Variants in C8orf76 observed in about 807,000 individuals in gnomAD.
C8orf76 encodes chromosome 8 open reading frame 76.
C8orf76 carries 46 observed loss-of-function variants against 38.1 expected under a neutral mutation model. The ratio of observed to expected loss-of-function variants is 1.21; its 90% CI spans 0.95 to 1.54. The LOEUF is 1.54. Ranked by LOEUF, C8orf76 falls within the 40% of genes most tolerant of loss-of-function variation. The probability of loss-of-function intolerance (pLI) is 0.00; values close to 1 mark genes in which losing one functional copy is unlikely to be tolerated. For missense variants in C8orf76, 461 were observed against 441.6 expected (o/e 1.04, Z -0.39); for synonymous variants, 166 against 167.5 (o/e 0.99, Z 0.07).
chr8:123,231,323 T>C lies in C8orf76; in HGVS notation c.792A>G (p.Ala264=). The C allele has an allele frequency of 1.9e-6, 3 of 1,611,120 alleles. No individual in the cohort carries two copies. The highest frequency in any genetic ancestry group is 2.5e-6 in the Non-Finnish European group (3 of 1,178,836). Residue 264 remains alanine (A), a synonymous_variant, in exon 4 of 6, where the codon GCA becomes GCG. Transcript: ENST00000276704. ...ACCTGGTTCGTATAAAAGAGGCACA[T>C]GCTTTCAGCTGAGTCTCTATCAACA... is the stretch of plus-strand genomic sequence containing the variant. The part of the protein sequence containing the change: ...ETVLIETQLK[A]CASFIRTRLL...
chr8:123,238,194 G>C (rs1009556027), intron 2 of C8orf76, among the ~76,000 whole-genome samples: 1 of 152,172 alleles, frequency 6.6e-6, no homozygotes, highest in African/African-American at 2.4e-5. Flanking sequence ...CCTGGTGGGA[G>C]GTAACTGAAT....
chr8:123,230,185 TC>T (rs1413624075), intron 4 of C8orf76, among the ~76,000 whole-genome samples: 3 of 152,108 alleles, frequency 2.0e-5, no homozygotes, highest in African/African-American at 7.2e-5. Flanking sequence ...ATAGAACTGG[TC>T]AAGTGTATTC....
chr8:123,226,721 G>A, intron 4 of C8orf76, 89 bp from the exon 5 acceptor site: 1 of 1,486,162 alleles, frequency 6.7e-7, no homozygotes, highest in Non-Finnish European at 8.9e-7. Flanking sequence ...AGAAAGCCCA[G>A]GTATTGAGTC....
Position 123,237,886 on chromosome 8 carries a change from G to A in C8orf76, c.269C>T (p.Ala90Val), listed in dbSNP as rs866390941. Residue 90 changes from alanine (A) to valine (V), a missense_variant, in exon 3 of 6, where the codon GCC becomes GTC. Coordinates refer to ENST00000276704, the MANE Select transcript of C8orf76 (RefSeq NM_032847.3). ...ACCTTCCTGGACATCCCTTTTCATGGCAAAATTGGTTGATGACAATTTTTC... is the reference window on the plus strand; with the variant it reads ...ACCTTCCTGGACATCCCTTTTCATGACAAAATTGGTTGATGACAATTTTTC... ...ISEKLSSTNF[A>V]MKRDVQEGQA... is the part of the protein sequence containing the mutation. 6.2e-7 allele frequency: 1 copy of A among 1,613,794 alleles called. No individual in the cohort carries two copies. The highest frequency in any genetic ancestry group is 1.7e-5 in the Admixed American group (1 of 59,986).
chr8:123,225,602 G>A (rs1486815599), intron 5 of C8orf76, among the ~76,000 whole-genome samples: 2 of 152,162 alleles, frequency 1.3e-5, no homozygotes, highest in East Asian at 3.9e-4. Flanking sequence ...AGAAACACAG[G>A]AGAAAAACAA....
Position 123,231,183 on chromosome 8 carries a change from A to C in C8orf76, c.815+117T>G, listed in dbSNP as rs1825254124. 8.3e-6 allele frequency: 11 copies of C among 1,327,354 alleles called. No homozygotes were observed. The East Asian group carries it at 2.0e-4, about 24-fold the overall frequency. The allele number at this position is 1,327,354 out of a possible 1,614,324, so 82.2% of individuals were successfully genotyped here. The stretch of plus-strand genomic sequence containing the variant: ...CAAACGTTCAACACAACCATAGGAA[A>C]ATTTCAAAAATATATACCAAATGTC... On this transcript the variant is annotated intron_variant, in intron 4 of 5. Coordinates refer to ENST00000276704, the MANE Select transcript of C8orf76 (RefSeq NM_032847.3).
rs1237476530 is a variant in C8orf76 at position 123,237,895 on chromosome 8, G to C, written c.260C>G (p.Thr87Ser). 1.9e-6 allele frequency: 3 copies of C among 1,614,038 alleles called. No homozygotes were observed. Among genetic ancestry groups the C allele is most frequent in the East Asian group, 4.5e-5 (2 of 44,880 alleles). Reference sequence around the variant, plus strand: ...GACATCCCTTTTCATGGCAAAATTGGTTGATGACAATTTTTCAGAGATACT... The same window carrying C: ...GACATCCCTTTTCATGGCAAAATTGCTTGATGACAATTTTTCAGAGATACT... ...YSSISEKLSS[T>S]NFAMKRDVQE... Residue 87 changes from threonine (T) to serine (S), a missense_variant, in exon 3 of 6, where the codon ACC (threonine) becomes AGC (serine). Physicochemically the swap from Thr to Ser is moderately conservative, Grantham distance 58. Transcript: ENST00000276704.
intron 3 of C8orf76, chr8:123,237,138 G>A (rs191844837): frequency 2.6e-5 from 22 of 834,194 alleles, no homozygotes; most frequent in Middle Eastern, 3.2e-4. Flanking sequence ...TGCTGTGCCC[G>A]CCTGCACCAC....
chr8:123,226,761 G>C, intron 4 of C8orf76, 129 bp from the exon 5 acceptor site: 2 of 1,355,528 alleles, frequency 1.5e-6, no homozygotes, highest in Admixed American at 3.2e-5. Context: ...TTAAAAAGCA[G>C]GTACCCACCC....
intron 4 of C8orf76, 131 bp from the exon 5 acceptor site, chr8:123,226,763 T>G (rs1825059212): frequency 7.5e-7 from 1 of 1,340,664 alleles, no homozygotes; most frequent in Non-Finnish European, 9.8e-7. Flanking sequence ...AAAAAGCAGG[T>G]ACCCACCCTC....
At chr8:123,238,935 C>A in intron 2 of C8orf76, 114 bp downstream of exon 2, 2 of 1,078,194 alleles carry the variant, frequency 1.9e-6, no homozygotes, top group African/African-American at 3.2e-5. Context: ...ACACACATCA[C>A]AAAAGATTAA....
intron 3 of C8orf76, among the ~76,000 whole-genome samples, chr8:123,237,304 G>C (rs1470601946): frequency 6.6e-6 from 1 of 151,962 alleles, no homozygotes; most frequent in Non-Finnish European, 1.5e-5. Flanking sequence ...TGTCCCTTTC[G>C]TTGACTGGGG....
chr8:123,237,797 C>A lies in C8orf76; in HGVS notation c.357+1G>T, dbSNP rs751811971. Reference sequence around the variant, plus strand: ...TGAAAATAAGCAATAAAATCACTCACCAAGTTTGCAGCAATCTCCAGCGCC... The same window carrying A: ...TGAAAATAAGCAATAAAATCACTCAACAAGTTTGCAGCAATCTCCAGCGCC... On this transcript the variant is annotated splice_donor_variant, in intron 3 of 5. Transcript: ENST00000276704. LOFTEE classifies it high-confidence loss of function. The A allele has an allele frequency of 2.5e-6, 4 of 1,611,014 alleles. No individual in the cohort carries two copies. Among genetic ancestry groups the A allele is most frequent in the Non-Finnish European group, 3.4e-6 (4 of 1,178,944 alleles).
chr8:123,236,573 G>A (rs1362084795), intron 3 of C8orf76, among the ~76,000 whole-genome samples: 1 of 152,060 alleles, frequency 6.6e-6, no homozygotes, highest in African/African-American at 2.4e-5. Flanking sequence ...CGGATCACAA[G>A]GTCAGTTTGA....
intron 3 of C8orf76, chr8:123,237,121 C>A (rs1825522707): frequency 1.1e-6 from 1 of 938,750 alleles, no homozygotes; most frequent in South Asian, 1.3e-5. Flanking sequence ...AGATGATCTG[C>A]CGCAAGTGCT....
chr8:123,225,199 G>A (rs1342506034), intron 5 of C8orf76, among the ~76,000 whole-genome samples: 2 of 152,104 alleles, frequency 1.3e-5, no homozygotes, highest in African/African-American at 4.8e-5. Flanking sequence ...TAGAGATGGG[G>A]TTTCACCATG....
intron 4 of C8orf76, among the ~76,000 whole-genome samples, chr8:123,228,984 C>T (rs1825142775): frequency 6.6e-6 from 1 of 152,194 alleles, no homozygotes; most frequent in Non-Finnish European, 1.5e-5. Context: ...CACTTAGCAT[C>T]AGCAATTGAC....
chr8:123,238,851 G>T, intron 2 of C8orf76, 198 bp downstream of exon 2: 1 of 525,088 alleles, frequency 1.9e-6, no homozygotes, highest in Non-Finnish European at 3.4e-6. Context: ...TCCTTTTGTT[G>T]GAGTTACAGA....
chr8:123,237,716 A>C, intron 3 of C8orf76, 82 bp downstream of exon 3: 1 of 1,478,810 alleles, frequency 6.8e-7, no homozygotes, highest in Non-Finnish European at 9.0e-7. Context: ...TACTAGCAAG[A>C]AGTTTGTTTT....
Sources: gnomAD v4.1 joint callset for allele counts (sites outside exome capture counted in the v4.1 genomes callset) on GRCh38, gnomAD v4.1.1 for gene constraint, MANE v1.5 for transcripts, NCBI Gene and HGNC (gene_info 2026-07-23, HGNC 2026-07-21) for gene names.